Variants in PKN2 observed in about 807,000 individuals in gnomAD.
The protein encoded by PKN2 is serine/threonine-protein kinase N2.
PKN2 carries 38 observed loss-of-function variants against 119.1 expected under a neutral mutation model. The observed-to-expected ratio is 0.32, with a 90% CI of 0.25 to 0.42. The LOEUF (loss-of-function observed/expected upper bound fraction) is 0.42. PKN2 is among the 10% of genes least tolerant of loss of function. The pLI is 1.00. For missense variants in PKN2, 850 were observed against 1,165.1 expected (o/e 0.73, Z 3.94); for synonymous variants, 390 against 384.9 (o/e 1.01, Z -0.15).
intron 8 of PKN2, among the ~76,000 whole-genome samples, chr1:88,802,606 A>G (rs562233345): frequency 1.3e-5 from 2 of 152,276 alleles, no homozygotes; most frequent in South Asian, 4.1e-4. Flanking sequence ...GATTACAGGC[A>G]TGAGCCACCT....
intron 16 of PKN2, among the ~76,000 whole-genome samples, chr1:88,817,689 A>G (rs1201593470): frequency 6.7e-6 from 1 of 148,678 alleles, no homozygotes; most frequent in Non-Finnish European, 1.5e-5. Context: ...AGTCTGGGCG[A>G]CAAAGCGAGA....
intron 17 of PKN2, among the ~76,000 whole-genome samples, chr1:88,824,008 C>CA (rs3061489): frequency 0.013 from 1,537 of 116,988 alleles, 44 homozygotes; most frequent in African/African-American, 0.031. Flanking sequence ...GACTCTGTCT[C>CA]AAAAAAAAAA....
intron 2 of PKN2, among the ~76,000 whole-genome samples, chr1:88,753,602 G>T (rs1460443569): frequency 6.6e-6 from 1 of 151,916 alleles, no homozygotes; most frequent in Non-Finnish European, 1.5e-5. Flanking sequence ...GGCTTCTGGG[G>T]AGGCCTCAGA....
In PKN2 at chr1:88,684,454, T is replaced by C; in HGVS notation, c.-127T>C. The C allele has an allele frequency of 2.5e-6, 2 of 812,018 alleles. No homozygotes were observed. Among genetic ancestry groups the C allele is most frequent in the South Asian group, 1.8e-5 (1 of 56,172 alleles). The allele number at this position is 812,018 out of a possible 1,614,324, so 50.3% of individuals were successfully genotyped here. Reference sequence around the variant, plus strand: ...GCCTCCAGCAGGGGCTGCGCCTCCATGAATCCCTAGTTGTTTTTTTTTTTT... The same window carrying C: ...GCCTCCAGCAGGGGCTGCGCCTCCACGAATCCCTAGTTGTTTTTTTTTTTT... On this transcript the variant is annotated 5_prime_UTR_variant, in exon 1 of 22. An upstream start codon of the reference 5' UTR is lost. Transcript: ENST00000370521.
intron 4 of PKN2, 110 bp from the exon 5 acceptor site, chr1:88,771,308 TAAG>T: frequency 1.5e-6 from 1 of 667,582 alleles, no homozygotes; most frequent in Non-Finnish European, 2.5e-6. Flanking sequence ...TTTATTGATG[TAAG>T]GACTAAGTTA....
At position 88,804,360 on chromosome 1, in the gene PKN2, TTTTC is replaced by T. The variant is rs749153859; in HGVS notation, c.1282-27_1282-24del. 7.8e-6 allele frequency: 12 copies of T among 1,531,420 alleles called. No individual in the cohort carries two copies. In the African/African-American group the frequency reaches 8.4e-5, roughly 11 times the overall value. 94.9% of individuals were successfully genotyped at this position (1,531,420 alleles called of 1,614,324 possible). On this transcript the variant is annotated intron_variant, in intron 8 of 21. Coordinates refer to ENST00000370521, the MANE Select transcript of PKN2 (RefSeq NM_006256.4). ...TGTGTGTCCAATGATGTCTTTTCTG[TTTTC>T]TTTATTATTTTTTTTAATTATCCTA...
intron 16 of PKN2, among the ~76,000 whole-genome samples, chr1:88,821,410 A>AT (rs1315586473): frequency 6.6e-6 from 1 of 152,128 alleles, no homozygotes. Context: ...AAATGGTTTG[A>AT]TTCTCTGTCA....
At chr1:88,781,131 C>T (rs1478304115) in intron 6 of PKN2, 8 of 1,274,660 alleles carry the variant, frequency 6.3e-6, no homozygotes, top group Non-Finnish European at 6.1e-6. Context: ...TAGAAGACTA[C>T]ACATGACGAA....
At chr1:88,779,238 C>A (rs984517037) in intron 6 of PKN2, among the ~76,000 whole-genome samples, 6 of 152,070 alleles carry the variant, frequency 3.9e-5, no homozygotes, top group African/African-American at 7.2e-5. Context: ...ACAGAGCTCT[C>A]CGGAGTGTCC....
At chr1:88,813,792 G>GTTTT in intron 16 of PKN2, 59 bp downstream of exon 16, 1 of 1,345,588 alleles carries the variant, frequency 7.4e-7, no homozygotes, top group Non-Finnish European at 1.0e-6. Flanking sequence ...TTCTGGGAAG[G>GTTTT]AAAAGAGATT....
At chr1:88,827,166 A>G (rs1007449606) in intron 18 of PKN2, among the ~76,000 whole-genome samples, 4 of 152,114 alleles carry the variant, frequency 2.6e-5, no homozygotes, top group African/African-American at 9.7e-5. Context: ...ACACTTTGGA[A>G]TACATAGAGA....
intron 8 of PKN2, among the ~76,000 whole-genome samples, chr1:88,792,665 G>T (rs1263241993): frequency 3.9e-5 from 6 of 152,146 alleles, no homozygotes; most frequent in African/African-American, 1.4e-4. Flanking sequence ...CAAGGTTTTT[G>T]TGCCTGCCGT....
At chr1:88,695,275 T>G (rs1180407911) in intron 1 of PKN2, among the ~76,000 whole-genome samples, 1 of 152,180 alleles carries the variant, frequency 6.6e-6, no homozygotes, top group African/African-American at 2.4e-5. Flanking sequence ...TATGATTAAT[T>G]AAAATTAATT....
At chr1:88,739,615 C>G (rs1216142613) in intron 1 of PKN2, among the ~76,000 whole-genome samples, 6 of 152,148 alleles carry the variant, frequency 3.9e-5, no homozygotes, top group Non-Finnish European at 7.4e-5. Context: ...TTTCCATGTC[C>G]TTCATAAACT....
At chr1:88,774,006 C>A (rs1425932659) in intron 6 of PKN2, among the ~76,000 whole-genome samples, 1 of 152,134 alleles carries the variant, frequency 6.6e-6, no homozygotes, top group Non-Finnish European at 1.5e-5. Context: ...CATCTCAGCT[C>A]AGTAATTTGC....
At position 88,814,026 on chromosome 1, in the gene PKN2, C is replaced by T. The variant is rs568850492; in HGVS notation, c.2279+293C>T. Among the ~76,000 whole-genome samples, 5 of 151,664 alleles carry T rather than the reference C, an allele frequency of 3.3e-5. No homozygotes were observed. In the South Asian group the frequency reaches 1.0e-3, roughly 31 times the overall value. On this transcript the variant is annotated intron_variant, in intron 16 of 21. Coordinates refer to ENST00000370521, the MANE Select transcript of PKN2 (RefSeq NM_006256.4). ...TATTAGATTTTCTCACTAGAGAATG[C>T]CATCCAGAATTACAGCTTTAAAGAC...
At chr1:88,757,342 A>G (rs528590921) in intron 2 of PKN2, among the ~76,000 whole-genome samples, 1 of 152,190 alleles carries the variant, frequency 6.6e-6, no homozygotes, top group South Asian at 2.1e-4. Flanking sequence ...TTATCTATTT[A>G]TTTTAGAAAC....
intron 1 of PKN2, among the ~76,000 whole-genome samples, chr1:88,692,655 C>T (rs1033071545): frequency 2.0e-5 from 3 of 152,130 alleles, no homozygotes; most frequent in South Asian, 4.1e-4. Flanking sequence ...GGCCTTTTTA[C>T]GTGGCTTCTT....
chr1:88,719,255 TTTTA>T (rs1227216900), intron 1 of PKN2, among the ~76,000 whole-genome samples: 1 of 152,258 alleles, frequency 6.6e-6, no homozygotes, highest in Non-Finnish European at 1.5e-5. Context: ...TGCAAATATC[TTTTA>T]TTTATCTTCT....
Sources: gnomAD v4.1 joint callset for allele counts (sites outside exome capture counted in the v4.1 genomes callset) on GRCh38, gnomAD v4.1.1 for gene constraint, MANE v1.5 for transcripts, NCBI Gene and HGNC (gene_info 2026-07-23, HGNC 2026-07-21) for gene names.